The following INTS7 variants were observed in gnomAD, a reference collection of about 807,000 sequenced individuals.
INTS7 encodes the protein chromosome 1 open reading frame 73.
A neutral mutation model predicts 109.2 loss-of-function variants in INTS7; 46 were observed. That is an observed-to-expected ratio of 0.42 (90% CI 0.33 to 0.54). The LOEUF (loss-of-function observed/expected upper bound fraction) is 0.54, where lower values mean the gene tolerates loss of function less well. Ranked by LOEUF, INTS7 falls within the 20% of genes least tolerant of loss-of-function variation. The pLI, the probability that INTS7 is intolerant of heterozygous loss-of-function variation, is 0.07. For missense variants in INTS7, 929 were observed against 1,132.4 expected (o/e 0.82, Z 2.58); for synonymous variants, 412 against 402.9 (o/e 1.02, Z -0.27).
chr1:211,942,678 C>T lies in INTS7; in HGVS notation c.2602-567G>A, dbSNP rs1177806274. On this transcript the variant is annotated intron_variant, in intron 19 of 19. Transcript: ENST00000366994. This position sits in a 1 kb window ranked among gnomAD's most constrained non-coding sequence, Gnocchi z 4.2. ...TAACAAATTAACTGAACCATTTGTA[C>T]ATTGCTCATTTAATAAGCACTGTTT... is the stretch of plus-strand genomic sequence containing the variant. Among the ~76,000 whole-genome samples, 1 of 152,142 alleles carries T rather than the reference C, an allele frequency of 6.6e-6. No individual in the cohort carries two copies. Among genetic ancestry groups the T allele is most frequent in the Non-Finnish European group, 1.5e-5 (1 of 68,018 alleles).
At position 211,941,848 on chromosome 1, in the gene INTS7, T is replaced by TTGCTGC; in HGVS notation, c.2859_2864dup (p.Gln954_Gln955dup). 1 of 1,614,150 alleles carries TTGCTGC rather than the reference T, an allele frequency of 6.2e-7. No individual in the cohort carries two copies. Among genetic ancestry groups the TTGCTGC allele is most frequent in the Non-Finnish European group, 8.5e-7 (1 of 1,179,996 alleles). On this transcript the variant is annotated inframe_insertion, in exon 20 of 20. Transcript: ENST00000366994. ...GTTAAAACCGTGTGTAGGCATTGCG[T>TTGCTGC]TGCTGCTGCTGCTGTAATGGCTGCT...
intron 16 of INTS7, among the ~76,000 whole-genome samples, chr1:211,954,853 T>C (rs947937203): frequency 6.6e-6 from 1 of 152,262 alleles, no homozygotes; most frequent in African/African-American, 2.4e-5. Flanking sequence ...TTTGTTCTTT[T>C]GGTTTAGGAT....
rs755674163 is a variant in INTS7 at position 212,014,930 on chromosome 1, A to G, written c.509+1956T>C. Among the ~76,000 whole-genome samples the G allele has an allele frequency of 1.7e-3, 266 of 152,258 alleles. 1 individual carries two copies. The highest frequency in any genetic ancestry group is 2.7e-3 in the Non-Finnish European group (183 of 68,008). On this transcript the variant is annotated intron_variant, in intron 4 of 19. Coordinates refer to ENST00000366994, the MANE Select transcript of INTS7 (RefSeq NM_015434.4). ...CCCAGCCGCCTGCCTTGGCCTCCCA[A>G]AGTGCAGCCTGTGCCCGGCCGCCAC...
chr1:212,017,790 T>A (rs1666505111), intron 3 of INTS7, among the ~76,000 whole-genome samples: 1 of 152,234 alleles, frequency 6.6e-6, no homozygotes, highest in African/African-American at 2.4e-5. Context: ...TGACATGTAA[T>A]CACCTAATTA....
intron 10 of INTS7, among the ~76,000 whole-genome samples, chr1:211,979,747 C>T (rs561306463): frequency 1.1e-3 from 166 of 152,298 alleles, no homozygotes; most frequent in African/African-American, 3.9e-3. Context: ...TCTTTTATAA[C>T]AGCAGTCATT....
intron 1 of INTS7, among the ~76,000 whole-genome samples, chr1:212,029,673 C>T (rs1396620749): frequency 6.6e-6 from 1 of 152,234 alleles, no homozygotes; most frequent in East Asian, 1.9e-4. Context: ...CTACAAAGAA[C>T]ACCACAAATA....
intron 8 of INTS7, among the ~76,000 whole-genome samples, chr1:211,985,928 TA>T (rs762315622): frequency 4.6e-5 from 7 of 152,202 alleles, no homozygotes; most frequent in Non-Finnish European, 1.0e-4. Flanking sequence ...AGAAAAAGAA[TA>T]CATTGAAAGC....
intron 16 of INTS7, among the ~76,000 whole-genome samples, chr1:211,960,206 C>T (rs1037428476): frequency 4.6e-5 from 7 of 152,026 alleles, no homozygotes. Context: ...AGCCTTGGCT[C>T]CCTGAAATCT....
chr1:211,979,280 C>A (rs568931582), intron 10 of INTS7, among the ~76,000 whole-genome samples: 15 of 152,298 alleles, frequency 9.8e-5, no homozygotes, highest in African/African-American at 3.6e-4. Flanking sequence ...TCAATCCATC[C>A]TTCACAATGC....
chr1:211,985,169 C>G (rs1001928446), intron 8 of INTS7, among the ~76,000 whole-genome samples: 1 of 152,080 alleles, frequency 6.6e-6, no homozygotes, highest in Non-Finnish European at 1.5e-5. Flanking sequence ...TTACCCACAC[C>G]CTTGTCAACA....
chr1:212,008,328 G>A (rs1666026789), intron 5 of INTS7, among the ~76,000 whole-genome samples: 1 of 152,144 alleles, frequency 6.6e-6, no homozygotes, highest in Admixed American at 6.5e-5. Flanking sequence ...GAATGCACTT[G>A]ACACTGCTGA....
chr1:211,980,297 C>A (rs537783396), intron 10 of INTS7, among the ~76,000 whole-genome samples: 11 of 152,280 alleles, frequency 7.2e-5, no homozygotes, highest in Admixed American at 2.6e-4. Flanking sequence ...TCCTTGAAAC[C>A]ACACCTTAGA....
At position 212,016,968 on chromosome 1, in the gene INTS7, T is replaced by C; in HGVS notation, c.427A>G (p.Ile143Val). Residue 143 changes from isoleucine to valine, a missense_variant, in exon 4 of 20, where the codon ATT becomes GTT. Transcript: ENST00000366994. ...IPERKNAHHS[I>V]RQSLDSHDNV... ...TCATGTGAATCTAAACTCTGACGAA[T>C]ACTATGATGAGCATTCTTCCTCTCA... The C allele has an allele frequency of 2.5e-6, 4 of 1,603,594 alleles. No homozygotes were observed. The South Asian group carries it at 3.4e-5, about 14-fold the overall frequency.
intron 16 of INTS7, among the ~76,000 whole-genome samples, chr1:211,960,608 G>C (rs1408356791): frequency 6.6e-6 from 1 of 152,126 alleles, no homozygotes; most frequent in Non-Finnish European, 1.5e-5. Context: ...GTATAAAAAA[G>C]AATGTAACCA....
chr1:211,948,731 G>A (rs754885441), intron 17 of INTS7, among the ~76,000 whole-genome samples: 4 of 152,116 alleles, frequency 2.6e-5, no homozygotes, highest in African/African-American at 4.8e-5. Flanking sequence ...TTTTTGAGAC[G>A]GAGTCTCTCT....
At chr1:211,999,766 A>T (rs1451865053) in intron 7 of INTS7, among the ~76,000 whole-genome samples, 2 of 152,202 alleles carry the variant, frequency 1.3e-5, no homozygotes, top group Non-Finnish European at 2.9e-5. Flanking sequence ...AAGGATTTGA[A>T]AAAGATAAGA....
Position 211,967,985 on chromosome 1 carries a change from T to TA in INTS7, c.2011-5dup, listed in dbSNP as rs759824363. On this transcript the variant is annotated splice_polypyrimidine_tract_variant and splice_region_variant and intron_variant, in intron 14 of 19. Coordinates refer to ENST00000366994, the MANE Select transcript of INTS7 (RefSeq NM_015434.4). ...ATTCTTCCATGGACTGTTTCATCTATAAAAAAAAATCAATTATGACAAACA... is the reference window on the plus strand; with the variant it reads ...ATTCTTCCATGGACTGTTTCATCTATAAAAAAAAAATCAATTATGACAAACA... The TA allele has an allele frequency of 1.5e-3, 2,241 of 1,455,036 alleles. No individual in the cohort carries two copies. The highest frequency in any genetic ancestry group is 1.7e-3 in the Non-Finnish European group (1,813 of 1,065,404). 90.1% of individuals were successfully genotyped at this position (1,455,036 alleles called of 1,614,324 possible).
intron 7 of INTS7, among the ~76,000 whole-genome samples, chr1:212,002,411 C>T (rs1052004973): frequency 6.6e-6 from 1 of 152,230 alleles, no homozygotes; most frequent in African/African-American, 2.4e-5. Flanking sequence ...TCAGAATCTT[C>T]CAGAGGCAAT....
chr1:212,002,146 G>C (rs184547638), intron 7 of INTS7, among the ~76,000 whole-genome samples: 1 of 152,300 alleles, frequency 6.6e-6, no homozygotes, highest in East Asian at 1.9e-4. Flanking sequence ...AAAAAGCTTA[G>C]AGCCACCTTT....
Sources: gnomAD v4.1 joint callset for allele counts (sites outside exome capture counted in the v4.1 genomes callset) on GRCh38, gnomAD v4.1.1 for gene constraint, Gnocchi (gnomAD v3.1) non-coding constraint, MANE v1.5 for transcripts, NCBI Gene and HGNC (gene_info 2026-07-23, HGNC 2026-07-21) for gene names.